Variants in ADGRG2 observed in about 807,000 individuals in gnomAD.
The protein encoded by ADGRG2 is G protein-coupled receptor 64.
ADGRG2 carries 26 observed loss-of-function variants against 74.1 expected under a neutral mutation model. That is an observed-to-expected ratio of 0.35 (90% CI 0.26 to 0.49). The LOEUF (loss-of-function observed/expected upper bound fraction) is 0.49, where lower values mean the gene tolerates loss of function less well. Among genes scored for constraint, ADGRG2 ranks in the 20% least tolerant of loss-of-function variants. ADGRG2 has a pLI of 0.99. For missense variants in ADGRG2, 619 were observed against 763.1 expected (o/e 0.81, Z 2.22); for synonymous variants, 296 against 295.2 (o/e 1.00, Z -0.03).
rs1434308658 is a variant in ADGRG2, at chrX:18,990,365, A to C, written c.*499T>G. ...TCTGAATTATCACGTGAGACAAAAC[A>C]ACCATGATTCTACAAAGGAATACAT... On this transcript the variant is annotated 3_prime_UTR_variant, in exon 29 of 29. Transcript: ENST00000379869. The C allele has an allele frequency of 8.8e-6, 1 of 113,069 alleles. No individual in the cohort carries two copies. Among genetic ancestry groups the C allele is most frequent in the Non-Finnish European group, 1.9e-5 (1 of 53,411 alleles). The allele number at this position is 113,069 out of a possible 1,213,427, so 9.3% of individuals were successfully genotyped here.
chrX:19,014,513 G>C (rs917171670), intron 15 of ADGRG2, among the ~76,000 whole-genome samples: 2 of 112,352 alleles, frequency 1.8e-5, no homozygotes, highest in African/African-American at 6.5e-5. Context: ...AACTGACCAA[G>C]AAATGTTGGT....
intron 12 of ADGRG2, 46 bp from the exon 13 acceptor site, chrX:19,023,499 G>A: frequency 5.3e-6 from 4 of 754,580 alleles, no homozygotes; most frequent in Non-Finnish European, 7.9e-6. Context: ...GTTACTTTGG[G>A]CAGTTGGAAA....
At chrX:19,067,335 T>C (rs2061584455) in intron 3 of ADGRG2, among the ~76,000 whole-genome samples, 1 of 112,288 alleles carries the variant, frequency 8.9e-6, no homozygotes. Flanking sequence ...GCCAAAAACC[T>C]AGACACCCTC....
intron 11 of ADGRG2, 126 bp downstream of exon 11, chrX:19,027,093 C>A (rs2146670056): frequency 1.8e-6 from 1 of 563,213 alleles, no homozygotes; most frequent in African/African-American, 2.3e-5. Flanking sequence ...AGTCAAGAAC[C>A]AATTGGCTCT....
At chrX:19,042,342 G>A (rs1345383994) in intron 3 of ADGRG2, among the ~76,000 whole-genome samples, 1 of 111,336 alleles carries the variant, frequency 9.0e-6, no homozygotes, top group African/African-American at 3.3e-5. Context: ...CAGGCACCTG[G>A]CAAAGGCGGG....
chrX:19,002,014 ACT>A (rs1383611276), intron 24 of ADGRG2, among the ~76,000 whole-genome samples: 2 of 110,735 alleles, frequency 1.8e-5, no homozygotes, highest in Non-Finnish European at 3.8e-5. Flanking sequence ...TATCTAAAGG[ACT>A]CTCTGGCAGA....
At chrX:18,994,784 C>T (rs2059986415) in intron 28 of ADGRG2, 112 bp downstream of exon 28, 1 of 468,594 alleles carries the variant, frequency 2.1e-6, no homozygotes, top group African/African-American at 2.5e-5. Flanking sequence ...ATCCACTAGT[C>T]ATATATGTAT....
intron 16 of ADGRG2, among the ~76,000 whole-genome samples, chrX:19,011,989 C>T (rs951134860): frequency 8.9e-6 from 1 of 112,295 alleles, no homozygotes; most frequent in African/African-American, 3.2e-5. Flanking sequence ...TTTGCCTATT[C>T]CCGTCAAATC....
intron 16 of ADGRG2, among the ~76,000 whole-genome samples, chrX:19,012,644 A>G (rs1295562038): frequency 1.8e-5 from 2 of 109,564 alleles, no homozygotes; most frequent in Non-Finnish European, 3.8e-5. Context: ...AAAAAAAAAA[A>G]AAAAAGAAAC....
intron 7 of ADGRG2, chrX:19,034,424 A>C (rs1435509229): frequency 8.9e-6 from 1 of 111,945 alleles, no homozygotes; most frequent in Non-Finnish European, 1.9e-5. Flanking sequence ...TTTTCACCGA[A>C]GCTCTGTCAC....
intron 27 of ADGRG2, 51 bp downstream of exon 27, chrX:18,996,000 A>G (rs754305070): frequency 3.1e-6 from 2 of 648,594 alleles, no homozygotes; most frequent in Non-Finnish European, 5.1e-6. Context: ...AATTTATACA[A>G]TCTTTTCCTT....
chrX:19,119,986 T>C (rs1475254540), intron 1 of ADGRG2, among the ~76,000 whole-genome samples: 1 of 112,193 alleles, frequency 8.9e-6, no homozygotes, highest in Non-Finnish European at 1.9e-5. Context: ...TACACACACC[T>C]GGAATCTGTG....
At chrX:19,079,964 G>A (rs769291992) in intron 2 of ADGRG2, among the ~76,000 whole-genome samples, 61 of 105,415 alleles carry the variant, frequency 5.8e-4, no homozygotes, top group African/African-American at 2.1e-3. Flanking sequence ...AGGCTGGAAT[G>A]CAATGGCGTG....
intron 2 of ADGRG2, among the ~76,000 whole-genome samples, chrX:19,069,540 A>G (rs189288418): frequency 1.3e-4 from 14 of 110,726 alleles, no homozygotes; most frequent in African/African-American, 3.9e-4. Context: ...TCCCTGCCCG[A>G]ATGTTGCCTT....
intron 3 of ADGRG2, among the ~76,000 whole-genome samples, chrX:19,050,849 C>CA (rs2061306573): frequency 8.9e-6 from 1 of 112,040 alleles, no homozygotes; most frequent in Admixed American, 9.4e-5. Context: ...GATGGAGAAG[C>CA]ACTGATTCAG....
intron 19 of ADGRG2, 65 bp downstream of exon 19, chrX:19,007,915 A>G (rs1466571899): frequency 1.0e-6 from 1 of 981,411 alleles, no homozygotes; most frequent in Non-Finnish European, 1.4e-6. Context: ...TCGAGCACTA[A>G]AAGAAATGAA....
chrX:19,107,896 C>A (rs942922010), intron 1 of ADGRG2, among the ~76,000 whole-genome samples: 1 of 103,457 alleles, frequency 9.7e-6, no homozygotes, highest in South Asian at 4.3e-4. Context: ...GTCAGGAGAT[C>A]GAGACCATCC....
chrX:19,095,819 G>C (rs1382597159), intron 1 of ADGRG2, among the ~76,000 whole-genome samples: 1 of 110,562 alleles, frequency 9.0e-6, no homozygotes, highest in Non-Finnish European at 1.9e-5. Flanking sequence ...TTGGAGTCCA[G>C]CCTGGGCAAC....
chrX:19,040,338 TAAAAA>T, intron 3 of ADGRG2, 114 bp from the exon 4 acceptor site: 1 of 459,500 alleles, frequency 2.2e-6, no homozygotes, highest in South Asian at 4.2e-5. Context: ...CTCATGTCAC[TAAAAA>T]AAAGTATGTG....
Sources: gnomAD v4.1 joint callset for allele counts (sites outside exome capture counted in the v4.1 genomes callset) on GRCh38, gnomAD v4.1.1 for gene constraint, MANE v1.5 for transcripts, NCBI Gene and HGNC (gene_info 2026-07-23, HGNC 2026-07-21) for gene names.